The following NRXN1 variants were observed in gnomAD, a reference collection of about 807,000 sequenced individuals.
The protein encoded by NRXN1 is neurexin 1.
Under a neutral mutation model 150.9 loss-of-function variants are expected in NRXN1, and 39 were observed. That is an observed-to-expected ratio of 0.26 (90% CI 0.20 to 0.34). The LOEUF (loss-of-function observed/expected upper bound fraction) is 0.34, where lower values mean the gene tolerates loss of function less well. NRXN1 is among the 10% of genes least tolerant of loss of function. The pLI is 1.00. For missense variants in NRXN1, 1,815 were observed against 1,949.9 expected (o/e 0.93, Z 1.30); for synonymous variants, 924 against 757.0 (o/e 1.22, Z -3.62).
intron 19 of NRXN1, among the ~76,000 whole-genome samples, chr2:50,085,445 T>G (rs1289880238): frequency 6.6e-6 from 1 of 152,122 alleles, no homozygotes; most frequent in Non-Finnish European, 1.5e-5. Flanking sequence ...AGTCAAACAT[T>G]TCCCATATCT....
chr2:50,155,140 T>G (rs1306509832), intron 18 of NRXN1, among the ~76,000 whole-genome samples: 1 of 151,642 alleles, frequency 6.6e-6, no homozygotes, highest in Non-Finnish European at 1.5e-5. Context: ...GCGATTCAAG[T>G]TTTTTACATC....
chr2:50,170,807 A>T (rs1231454336), intron 18 of NRXN1, among the ~76,000 whole-genome samples: 2 of 146,124 alleles, frequency 1.4e-5, no homozygotes, highest in Non-Finnish European at 3.0e-5. Flanking sequence ...GCATCTGTAT[A>T]GTTGGCCCTT....
chr2:49,998,379 A>T (rs1683339239), intron 21 of NRXN1, among the ~76,000 whole-genome samples: 1 of 152,178 alleles, frequency 6.6e-6, no homozygotes, highest in Admixed American at 6.5e-5. Flanking sequence ...ACATATTTTT[A>T]ATTGTAAAAT....
At chr2:50,484,733 T>C (rs754830525) in intron 15 of NRXN1, among the ~76,000 whole-genome samples, 2 of 152,178 alleles carry the variant, frequency 1.3e-5, no homozygotes, top group African/African-American at 2.4e-5. Context: ...AACCAATATA[T>C]AGATGCTATG....
At chr2:50,288,339 C>T (rs1019089974) in intron 17 of NRXN1, among the ~76,000 whole-genome samples, 2 of 151,970 alleles carry the variant, frequency 1.3e-5, no homozygotes, top group Non-Finnish European at 2.9e-5. Context: ...TGCTGCTAAC[C>T]ATCCTACAAT....
At chr2:50,745,305 C>A (rs551768206) in intron 5 of NRXN1, among the ~76,000 whole-genome samples, 27 of 146,542 alleles carry the variant, frequency 1.8e-4, no homozygotes, top group South Asian at 6.9e-4. Flanking sequence ...ATCTGCCCCC[C>A]CCCAGGACTG....
At chr2:50,508,250 T>C (rs1454530483) in intron 12 of NRXN1, among the ~76,000 whole-genome samples, 1 of 152,200 alleles carries the variant, frequency 6.6e-6, no homozygotes, top group Admixed American at 6.5e-5. Flanking sequence ...TATATCTGTT[T>C]GTATCTTTAG....
At chr2:49,925,471 T>A (rs1668952902) in intron 22 of NRXN1, among the ~76,000 whole-genome samples, 1 of 152,084 alleles carries the variant, frequency 6.6e-6, no homozygotes, top group Non-Finnish European at 1.5e-5. Context: ...TTAATGTAAA[T>A]GTAGAGAATA....
intron 5 of NRXN1, among the ~76,000 whole-genome samples, chr2:50,771,221 T>C (rs949854516): frequency 2.4e-4 from 36 of 152,098 alleles, no homozygotes; most frequent in African/African-American, 7.2e-4. Flanking sequence ...ATGATCATCA[T>C]TTGACCTCTA....
At chr2:50,016,006 T>C (rs1303958507) in intron 21 of NRXN1, among the ~76,000 whole-genome samples, 1 of 152,118 alleles carries the variant, frequency 6.6e-6, no homozygotes, top group Non-Finnish European at 1.5e-5. Flanking sequence ...CAAGTGAAAA[T>C]GTAATTGTGA....
At chr2:50,974,184 T>C (rs974904842) in intron 2 of NRXN1, among the ~76,000 whole-genome samples, 6 of 152,140 alleles carry the variant, frequency 3.9e-5, no homozygotes, top group African/African-American at 1.4e-4. Flanking sequence ...TGAATACAGT[T>C]TTACTATTTC....
At chr2:50,992,450 C>T (rs1698677935) in intron 2 of NRXN1, among the ~76,000 whole-genome samples, 1 of 151,908 alleles carries the variant, frequency 6.6e-6, no homozygotes, top group Non-Finnish European at 1.5e-5. Context: ...ACACAGTAGG[C>T]ATATAATAGA....
At chr2:49,923,124 C>T (rs978267260) in intron 22 of NRXN1, among the ~76,000 whole-genome samples, 3 of 152,236 alleles carry the variant, frequency 2.0e-5, no homozygotes, top group East Asian at 3.9e-4. Context: ...GGGGTGCCTA[C>T]GTCTTCTTGA....
chr2:50,355,556 T>TTTG (rs1241052542), intron 17 of NRXN1, among the ~76,000 whole-genome samples: 1 of 152,092 alleles, frequency 6.6e-6, no homozygotes, highest in Non-Finnish European at 1.5e-5. Flanking sequence ...CTGCACACTT[T>TTTG]TTGTTGTTGT....
At chr2:50,160,491 A>C (rs1467559018) in intron 18 of NRXN1, among the ~76,000 whole-genome samples, 1 of 152,002 alleles carries the variant, frequency 6.6e-6, no homozygotes, top group Non-Finnish European at 1.5e-5. Context: ...CAGTGAGCTG[A>C]GATTGCGCCA....
intron 17 of NRXN1, among the ~76,000 whole-genome samples, chr2:50,253,396 C>CTT (rs2067359544): frequency 6.6e-6 from 1 of 151,986 alleles, no homozygotes; most frequent in Admixed American, 6.6e-5. Context: ...ATTTGAATAC[C>CTT]CCTTATTTCT....
At chr2:49,988,349 T>A (rs1283027935) in intron 21 of NRXN1, among the ~76,000 whole-genome samples, 2 of 151,632 alleles carry the variant, frequency 1.3e-5, no homozygotes, top group Non-Finnish European at 2.9e-5. Flanking sequence ...AAAAGAAGAC[T>A]CTTTCCTGCT....
intron 17 of NRXN1, among the ~76,000 whole-genome samples, chr2:50,456,265 C>T (rs890508061): frequency 5.3e-5 from 8 of 151,996 alleles, no homozygotes; most frequent in Non-Finnish European, 1.2e-4. Context: ...GCCCTTGTAC[C>T]TTCCTATCTC....
At chr2:50,043,670 T>C (rs1360036470) in intron 21 of NRXN1, among the ~76,000 whole-genome samples, 5 of 152,078 alleles carry the variant, frequency 3.3e-5, no homozygotes, top group Admixed American at 2.6e-4. Flanking sequence ...GTGTAGAAAA[T>C]ATAAAAATCA....
Sources: allele counts gnomAD v4.1 joint callset (sites outside exome capture counted in the v4.1 genomes callset), GRCh38; gene constraint gnomAD v4.1.1; transcripts MANE v1.5; gene names NCBI Gene and HGNC (gene_info 2026-07-23, HGNC 2026-07-21).